Variants in PIEZO1 observed in about 807,000 individuals in gnomAD.
PIEZO1 encodes the protein piezo-type mechanosensitive ion channel component 1.
A neutral mutation model predicts 297.2 loss-of-function variants in PIEZO1; 296 were observed. The ratio of observed to expected loss-of-function variants is 1.00; its 90% CI spans 0.91 to 1.10. The LOEUF (loss-of-function observed/expected upper bound fraction) is 1.10, where lower values mean the gene tolerates loss of function less well. PIEZO1 is among the 50% of genes least tolerant of loss of function. The pLI, the probability that PIEZO1 is intolerant of heterozygous loss-of-function variation, is 0.00. For synonymous variants in PIEZO1, 2,427 were observed against 1,507.5 expected (o/e 1.61, Z -14.13); for missense variants, 5,018 against 3,455.5 (o/e 1.45, Z -11.34).
chr16:88,756,967 T>G (rs1443790456), intron 1 of PIEZO1, among the ~76,000 whole-genome samples: 1 of 151,764 alleles, frequency 6.6e-6, no homozygotes, highest in Non-Finnish European at 1.5e-5. Context: ...TCCCAGCTAC[T>G]TGGGGGGCTG....
rs1286807293 is a variant in PIEZO1, at chr16:88,734,707, A to T, written c.1940T>A (p.Phe647Tyr). 1 of 1,550,346 alleles carries T rather than the reference A, an allele frequency of 6.5e-7. No individual in the cohort carries two copies. Among genetic ancestry groups the T allele is most frequent in the Admixed American group, 2.0e-5 (1 of 51,014 alleles). Residue 647 changes from phenylalanine (F) to tyrosine (Y), a missense_variant, in exon 15 of 51, where the codon TTC (phenylalanine) becomes TAC (tyrosine). Coordinates refer to ENST00000301015, the MANE Select transcript of PIEZO1 (RefSeq NM_001142864.4). ...TMLVLIAVYTFQFQDFPAYWR... is the reference protein window; with the variant it reads ...TMLVLIAVYTYQFQDFPAYWR... The stretch of plus-strand genomic sequence containing the variant: ...GTAGGCAGGGAAGTCCTGGAACTGG[A>T]AGGTGTAGACGGCGATGAGGACCAG...
chr16:88,728,388 CAA>C (rs1248669712), intron 22 of PIEZO1, among the ~76,000 whole-genome samples: 20 of 152,262 alleles, frequency 1.3e-4, no homozygotes, highest in Admixed American at 1.3e-3. Flanking sequence ...GACACAAAAA[CAA>C]AGTGACCCTC....
At chr16:88,764,238 G>A (rs1907064464) in intron 1 of PIEZO1, among the ~76,000 whole-genome samples, 1 of 151,238 alleles carries the variant, frequency 6.6e-6, no homozygotes, top group African/African-American at 2.5e-5. Flanking sequence ...CACAGGAGAT[G>A]GGGTCCTCTT....
Position 88,738,734 on chromosome 16 carries a change from A to T in PIEZO1, c.468T>A (p.Asp156Glu). ...TGGCATCCACATCCCTCTCATCATC[A>T]TCCTGCCAAGGTCACGGACAGGGGC... ...TRQSPHPREL[D>E]DDERDVDASP... is the part of the protein sequence containing the mutation. Residue 156 changes from aspartate to glutamate, a missense_variant and splice_region_variant, in exon 6 of 51, where the codon GAT becomes GAA. Physicochemically the swap from Asp to Glu is conservative, Grantham distance 45. Coordinates refer to ENST00000301015, the MANE Select transcript of PIEZO1 (RefSeq NM_001142864.4). 1.3e-6 allele frequency: 2 copies of T among 1,528,578 alleles called. No homozygotes were observed. The highest frequency in any genetic ancestry group is 8.8e-7 in the Non-Finnish European group (1 of 1,141,136). The allele number at this position is 1,528,578 out of a possible 1,614,324, so 94.7% of individuals were successfully genotyped here. A position where few individuals can be genotyped will look rare whatever the true frequency, so the allele number is the denominator to read the frequency against.
chr16:88,742,490 C>T (rs373261298), intron 2 of PIEZO1, 68 bp from the exon 3 acceptor site: 1 of 1,484,786 alleles, frequency 6.7e-7, no homozygotes, highest in Non-Finnish European at 9.0e-7. Context: ...GGCCGCTCAG[C>T]CGGACAATAG....
In PIEZO1 at chr16:88,720,148, C is replaced by T; in HGVS notation, c.6085G>A (p.Gly2029Ser). 1 of 1,550,450 alleles carries T rather than the reference C, an allele frequency of 6.4e-7. No individual in the cohort carries two copies. Among genetic ancestry groups the T allele is most frequent in the Non-Finnish European group, 8.7e-7 (1 of 1,146,982 alleles). The change falls in exon 42 of 51, where the codon GGC becomes AGC. Residue 2029 changes from glycine to serine, a missense_variant. By Grantham distance (56) the Gly-to-Ser change is moderately conservative (BLOSUM62 0). Transcript: ENST00000301015. The stretch of plus-strand genomic sequence containing the variant: ...AGCGCCACCTGGAAGGCCAGCTTGC[C>T]CAGCACGGTCTTGCGCAGGTAGAGG... ...RALYLRKTVL[G>S]KLAFQVALVL...
intron 5 of PIEZO1, chr16:88,740,937 G>C (rs958838716): frequency 6.5e-6 from 1 of 152,986 alleles, no homozygotes; most frequent in Non-Finnish European, 1.5e-5. Flanking sequence ...GTGTGAGGGG[G>C]CCATAGCTCA....
rs538393947 is a variant in PIEZO1, at chr16:88,771,742, C to G, written c.64+13159G>C. 4.9e-4 allele frequency among the ~76,000 whole-genome samples: 74 copies of G among 151,774 alleles called. No homozygotes were observed. In the South Asian group the frequency reaches 0.011, roughly 24 times the overall value. ...GCCCGTCCACCCGCGGCCCCAGGCC[C>G]TCCTGAGACTCTATGCCCGTCCACC... On this transcript the variant is annotated intron_variant, in intron 1 of 50. Coordinates refer to ENST00000301015, the MANE Select transcript of PIEZO1 (RefSeq NM_001142864.4).
intron 1 of PIEZO1, among the ~76,000 whole-genome samples, chr16:88,751,518 G>A (rs1212051741): frequency 6.6e-6 from 1 of 152,176 alleles, no homozygotes; most frequent in Non-Finnish European, 1.5e-5. Flanking sequence ...GCTCCGGGGG[G>A]CACCGCCCGC....
intron 1 of PIEZO1, among the ~76,000 whole-genome samples, chr16:88,772,771 C>T (rs1173184325): frequency 9.2e-6 from 1 of 108,246 alleles, no homozygotes; most frequent in East Asian, 3.1e-4. Flanking sequence ...GAGTGAGACT[C>T]TGTCAAAAAA....
In PIEZO1 at chr16:88,731,614, G is replaced by A. The variant is rs1043140096; in HGVS notation, c.3196+92C>T. The A allele has an allele frequency of 4.8e-5, 45 of 938,340 alleles. 1 individual carries two copies. Among genetic ancestry groups the A allele is most frequent in the Middle Eastern group, 6.4e-4 (2 of 3,116 alleles). The allele number at this position is 938,340 out of a possible 1,614,324, so 58.1% of individuals were successfully genotyped here. On this transcript the variant is annotated intron_variant, in intron 22 of 50. Transcript: ENST00000301015. ...AGGAGGCCAAGGCTAAGTCTAGGAG[G>A]GTGGACAGGAGTCTGGGGCAGGCGG...
chr16:88,778,759 G>A (rs938401892), intron 1 of PIEZO1, among the ~76,000 whole-genome samples: 5 of 152,152 alleles, frequency 3.3e-5, no homozygotes, highest in East Asian at 1.9e-4. Context: ...TACGGCCTGC[G>A]GTGGGTGTGC....
In PIEZO1 at chr16:88,766,332, G is replaced by A. The variant is rs565587727; in HGVS notation, c.65-16853C>T. Among the ~76,000 whole-genome samples the A allele has an allele frequency of 2.6e-5, 4 of 152,252 alleles. No homozygotes were observed. In the South Asian group the frequency reaches 6.2e-4, roughly 24 times the overall value. ...CGGCCTGAGCGCACAGCCTGGACTC[G>A]AGACTGCAACAGCGGCTCTTGACAG... is the stretch of plus-strand genomic sequence containing the variant. On this transcript the variant is annotated intron_variant, in intron 1 of 50. Coordinates refer to ENST00000301015, the MANE Select transcript of PIEZO1 (RefSeq NM_001142864.4).
chr16:88,716,997 G>A, intron 45 of PIEZO1, 26 bp downstream of exon 45: 1 of 1,548,898 alleles, frequency 6.5e-7, no homozygotes, highest in South Asian at 1.2e-5. Context: ...GGATGGGAAT[G>A]GACAGGCGGA....
At chr16:88,757,319 CGGGGGGGTG>C (rs1335835831) in intron 1 of PIEZO1, among the ~76,000 whole-genome samples, 5 of 10,252 alleles carry the variant, frequency 4.9e-4, no homozygotes, top group African/African-American at 1.3e-3. Flanking sequence ...GCGTTGCTGG[CGGGGGGGTG>C]GGGGGTAGTT....
chr16:88,730,266 G>A (rs1904711742), intron 22 of PIEZO1, among the ~76,000 whole-genome samples: 1 of 152,230 alleles, frequency 6.6e-6, no homozygotes, highest in African/African-American at 2.4e-5. Context: ...GGCCTGGGTA[G>A]CAGAAGATGA....
chr16:88,717,998 G>A (rs186389189), intron 44 of PIEZO1: 12 of 332,660 alleles, frequency 3.6e-5, no homozygotes, highest in Non-Finnish European at 5.2e-5. Flanking sequence ...TGGGAGAATC[G>A]CTTGAACCTG....
chr16:88,725,058 G>GATCTC lies in PIEZO1; in HGVS notation c.4184_4185insGAGAT (p.Ser1396ArgfsTer59). On this transcript the variant is annotated frameshift_variant, in exon 30 of 51. Coordinates refer to ENST00000301015, the MANE Select transcript of PIEZO1 (RefSeq NM_001142864.4). LOFTEE classifies it high-confidence loss of function. Reference sequence around the variant, plus strand: ...GCCACCACTGCCTCCGTGGCGGGGAGGAGCCCCCTGGACTGTCGGGCCCTG... The same window carrying GATCTC: ...GCCACCACTGCCTCCGTGGCGGGGAGATCTCGAGCCCCCTGGACTGTCGGGCCCTG... The GATCTC allele has an allele frequency of 6.7e-7, 1 of 1,501,210 alleles. No individual in the cohort carries two copies. The highest frequency in any genetic ancestry group is 2.7e-5 in the East Asian group (1 of 36,826). The allele number at this position is 1,501,210 out of a possible 1,614,324, so 93.0% of individuals were successfully genotyped here.
intron 2 of PIEZO1, 47 bp downstream of exon 2, chr16:88,749,337 C>G (rs1364798680): frequency 1.5e-6 from 2 of 1,291,650 alleles, no homozygotes; most frequent in Non-Finnish European, 2.1e-6. Flanking sequence ...AAACGAATGC[C>G]CACCCCCTCC....
Sources: allele counts gnomAD v4.1 joint callset (sites outside exome capture counted in the v4.1 genomes callset), GRCh38; gene constraint gnomAD v4.1.1; transcripts MANE v1.5; gene names NCBI Gene and HGNC (gene_info 2026-07-23, HGNC 2026-07-21).